MORF4L2: variants seen among roughly 807,000 people sequenced by gnomAD.
MORF4L2 encodes the protein mortality factor 4-like protein 2.
Under a neutral mutation model 12.0 loss-of-function variants are expected in MORF4L2, and 1 was observed. The ratio of observed to expected loss-of-function variants is 0.08; its 90% confidence interval spans 0.03 to 0.40. MORF4L2 has a LOEUF of 0.40. MORF4L2 is among the 10% of genes least tolerant of loss of function. The pLI is 0.98. For missense variants in MORF4L2, 123 were observed against 214.0 expected, an observed-to-expected ratio of 0.57 and a Z score of 2.65; for synonymous variants, 69 against 81.6, an observed-to-expected ratio of 0.85 and a Z score of 0.83.
Position 103,681,127 on chromosome X carries a change from T to C in MORF4L2, c.-177-2476A>G, listed in dbSNP as rs777670394. Among the ~76,000 whole-genome samples the C allele has an allele frequency of 7.2e-5, 8 of 111,651 alleles. No individual in the cohort carries two copies. In the East Asian group the frequency reaches 2.0e-3, roughly 27 times the overall value. On this transcript the variant is annotated intron_variant, in intron 2 of 3. Transcript: ENST00000441076. ...GTGGAGGGGGCTGTGACTCAACACA[T>C]GGAGAAAATGAGGGCACAAATTAGG... is the stretch of plus-strand genomic sequence containing the variant.
chrX:103,676,970 TCTC>T lies in MORF4L2; in HGVS notation c.55_57del (p.Glu19del), dbSNP rs781024963. On this transcript the variant is annotated inframe_deletion, in exon 4 of 4. Coordinates refer to ENST00000441076, the MANE Select transcript of MORF4L2 (RefSeq NM_012286.3). ...TTGCTTCTAGTTGGTTTTTTGAAGT[TCTC>T]TTCTTCTGCAGATTGCTGTCCACGA... The T allele has an allele frequency of 1.9e-5, 23 of 1,205,512 alleles. No individual in the cohort carries two copies. The Admixed American group carries it at 4.9e-4, about 26-fold the overall frequency.
At chrX:103,686,918 A>G (rs1369730740), upstream of MORF4L2, 1 of 110,281 alleles carries the variant, frequency 9.1e-6, no homozygotes, top group African/African-American at 3.3e-5. Flanking sequence ...ACAGCAAACC[A>G]ATCCTCTTCC....
chrX:103,682,373 A>G (rs2147687603), intron 2 of MORF4L2, among the ~76,000 whole-genome samples: 1 of 112,452 alleles, frequency 8.9e-6, no homozygotes, highest in South Asian at 3.6e-4. Context: ...TCCAAGAGGA[A>G]CTATTTAGCG....
chrX:103,684,016 A>G (rs929152440), intron 2 of MORF4L2, among the ~76,000 whole-genome samples: 8 of 112,082 alleles, frequency 7.1e-5, no homozygotes, highest in Non-Finnish European at 1.5e-4. Context: ...AAGAGAGAAA[A>G]AAAAGGAAAT....
intron 1 of MORF4L2, 139 bp from the exon 2 acceptor site, chrX:103,685,399 T>C (rs1457913672): frequency 5.3e-5 from 6 of 112,780 alleles, no homozygotes; most frequent in African/African-American, 1.9e-4. Context: ...GTGTTTCTTT[T>C]TCCTTTCTTG....
At chrX:103,679,349 CAA>C (rs35036219) in intron 2 of MORF4L2, among the ~76,000 whole-genome samples, 1,111 of 63,264 alleles carry the variant, frequency 0.018, 27 homozygotes, top group South Asian at 0.13. Context: ...ACTAAAAATA[CAA>C]AAAAAAAAAA....
intron 2 of MORF4L2, among the ~76,000 whole-genome samples, chrX:103,682,663 G>A: frequency 8.9e-6 from 1 of 111,906 alleles, no homozygotes; most frequent in Non-Finnish European, 1.9e-5. Context: ...CTTCTACCAG[G>A]TTGTTTGCTA....
At chrX:103,687,778 T>C (rs1942551053), upstream of MORF4L2, among the ~76,000 whole-genome samples, 1 of 111,026 alleles carries the variant, frequency 9.0e-6, no homozygotes, top group African/African-American at 3.3e-5. Context: ...AGCCAAACCC[T>C]TCCATCGCCG....
chrX:103,686,805 T>G (rs1031142959), upstream of MORF4L2: 1 of 111,945 alleles, frequency 8.9e-6, no homozygotes, highest in South Asian at 3.7e-4. Flanking sequence ...AGTTTTAGAA[T>G]GTTCCATAAT....
chrX:103,683,072 T>C lies in MORF4L2; in HGVS notation c.-178+2099A>G, dbSNP rs377718559. Among the ~76,000 whole-genome samples, 5 of 109,833 alleles carry C rather than the reference T, an allele frequency of 4.6e-5. 1 individual carries two copies. The South Asian group carries it at 1.8e-3, about 39-fold the overall frequency. ...CTCTCTTCTGAATGATTTTTGATTA[T>C]TTAACTTTTTTTTTTTTTCTTTTTT... On this transcript the variant is annotated intron_variant, in intron 2 of 3. Coordinates refer to ENST00000441076, the MANE Select transcript of MORF4L2 (RefSeq NM_012286.3).
In MORF4L2 at chrX:103,676,059, ATAC is replaced by A; in HGVS notation, c.*99_*101del. 1.2e-6 allele frequency: 1 copy of A among 857,430 alleles called. No homozygotes were observed. The highest frequency in any genetic ancestry group is 1.6e-6 in the Non-Finnish European group (1 of 609,408). 70.7% of individuals were successfully genotyped at this position (857,430 alleles called of 1,213,427 possible). On this transcript the variant is annotated 3_prime_UTR_variant, in exon 4 of 4. Coordinates refer to ENST00000441076, the MANE Select transcript of MORF4L2 (RefSeq NM_012286.3). Reference sequence around the variant, plus strand: ...AACAAACTGAAACATAAGCCCTGTTATACATTAACGATTTTAAAGAACATCAAT... The same window carrying A: ...AACAAACTGAAACATAAGCCCTGTTAATTAACGATTTTAAAGAACATCAAT...
intron 2 of MORF4L2, among the ~76,000 whole-genome samples, chrX:103,679,598 G>C (rs994163936): frequency 1.4e-4 from 15 of 109,856 alleles, no homozygotes; most frequent in Non-Finnish European, 2.8e-4. Context: ...GCTGTCATTT[G>C]TGTGTGTGTT....
intron 2 of MORF4L2, among the ~76,000 whole-genome samples, chrX:103,679,860 CA>C (rs1157909391): frequency 0.012 from 555 of 47,675 alleles, 2 homozygotes; most frequent in Non-Finnish European, 0.017. Flanking sequence ...CACCTGTGGG[CA>C]AAAAAAAAAA....
upstream of MORF4L2, chrX:103,686,795 A>C (rs1302215639): frequency 1.8e-5 from 2 of 111,854 alleles, no homozygotes. Flanking sequence ...GTCTTGTCTA[A>C]GTTTTAGAAT....
chrX:103,676,298 G>A lies in MORF4L2; in HGVS notation c.730C>T (p.Leu244Phe). The A allele has an allele frequency of 8.3e-7, 1 of 1,211,081 alleles. No homozygotes were observed. The highest frequency in any genetic ancestry group is 1.8e-5 in the South Asian group (1 of 56,933). ...AATAATGCAAGGCTTTTCTCATCAAGGGGCGTATAGGCCAACATTGCTCCA... is the reference window on the plus strand; with the variant it reads ...AATAATGCAAGGCTTTTCTCATCAAAGGGCGTATAGGCCAACATTGCTCCA... ...RIGAMLAYTP[L>F]DEKSLALLLG... is the part of the protein sequence containing the mutation. The change falls in exon 4 of 4, where the codon CTT becomes TTT. Residue 244 changes from leucine to phenylalanine, a missense_variant. By Grantham distance (22) the Leu-to-Phe change is conservative. Coordinates refer to ENST00000441076, the MANE Select transcript of MORF4L2 (RefSeq NM_012286.3).
At chrX:103,680,479 G>A (rs1488034464) in intron 2 of MORF4L2, among the ~76,000 whole-genome samples, 2 of 112,480 alleles carry the variant, frequency 1.8e-5, no homozygotes. Context: ...TGGTGATAGT[G>A]GCCACTGTAT....
At chrX:103,680,772 G>GT (rs1357987002) in intron 2 of MORF4L2, among the ~76,000 whole-genome samples, 35 of 112,265 alleles carry the variant, frequency 3.1e-4, no homozygotes, top group Admixed American at 4.7e-4. Context: ...ATTTTATACA[G>GT]TATTTTAAAC....
rs1351494785 is a variant in MORF4L2 at position 103,685,963 on chromosome X, TA to T, written c.-268+667del. On this transcript the variant is annotated intron_variant, in intron 1 of 3. Transcript: ENST00000441076. ...CCTAAAAAAACTGACATCAATTCCC[TA>T]AAAAACATCAAATATCGAATCCGTG... Among the ~76,000 whole-genome samples, 200 of 111,336 alleles carry T rather than the reference TA, an allele frequency of 1.8e-3. 1 individual carries two copies. The highest frequency in any genetic ancestry group is 6.2e-3 in the African/African-American group (191 of 30,599).
chrX:103,683,209 C>T (rs1470634384), intron 2 of MORF4L2, among the ~76,000 whole-genome samples: 1 of 111,565 alleles, frequency 9.0e-6, no homozygotes, highest in Non-Finnish European at 1.9e-5. Flanking sequence ...TCCTGAGTAG[C>T]TGGGATTATA....
Sources: allele counts gnomAD v4.1 joint callset (sites outside exome capture counted in the v4.1 genomes callset), GRCh38; gene constraint gnomAD v4.1.1; transcripts MANE v1.5; gene names NCBI Gene and HGNC (gene_info 2026-07-23, HGNC 2026-07-21).